Variants in PIEZO2 observed in about 807,000 individuals in gnomAD.
The protein encoded by PIEZO2 is piezo type mechanosensitive ion channel component 2, also known as piezo-type mechanosensitive ion channel component 2.
PIEZO2 carries 172 observed loss-of-function variants against 337.3 expected under a neutral mutation model. The observed-to-expected ratio is 0.51, with a 90% confidence interval of 0.45 to 0.58. The LOEUF (loss-of-function observed/expected upper bound fraction) is 0.58, where lower values mean the gene tolerates loss of function less well. Ranked by LOEUF, PIEZO2 falls within the 20% of genes least tolerant of loss-of-function variation. The probability of loss-of-function intolerance (pLI) is 0.00; values close to 1 mark genes in which losing one functional copy is unlikely to be tolerated. For missense variants in PIEZO2, 3,028 were observed against 3,391.3 expected (o/e 0.89, Z 2.66); for synonymous variants, 1,251 against 1,228.5 (o/e 1.02, Z -0.38).
At chr18:11,036,543 T>G (rs2625351) in intron 2 of PIEZO2, among the ~76,000 whole-genome samples, 70,512 of 151,614 alleles carry the variant, frequency 0.47, 17,539 homozygotes, top group African/African-American at 0.65. Flanking sequence ...CAACCTTACA[T>G]TCTGTGGAAT....
chr18:10,866,209 T>G (rs2042001093), intron 5 of PIEZO2, among the ~76,000 whole-genome samples: 1 of 152,216 alleles, frequency 6.6e-6, no homozygotes, highest in Non-Finnish European at 1.5e-5. Flanking sequence ...TTAAATCATT[T>G]TTATTATGAG....
At chr18:10,693,546 T>A (rs1030574395) in intron 47 of PIEZO2, among the ~76,000 whole-genome samples, 1 of 151,398 alleles carries the variant, frequency 6.6e-6, no homozygotes, top group African/African-American at 2.4e-5. Context: ...TTTTTTTTTT[T>A]AAGACGGGGT....
intron 3 of PIEZO2, among the ~76,000 whole-genome samples, chr18:10,961,106 G>C (rs540408101): frequency 2.6e-5 from 4 of 151,950 alleles, no homozygotes; most frequent in African/African-American, 9.7e-5. Flanking sequence ...GTGTGAACCC[G>C]GGAGGCAGAG....
At chr18:10,802,985 A>AG (rs2039878007) in intron 9 of PIEZO2, among the ~76,000 whole-genome samples, 1 of 151,780 alleles carries the variant, frequency 6.6e-6, no homozygotes, top group Non-Finnish European at 1.5e-5. Flanking sequence ...AAAAAAAAAA[A>AG]AAAGGTATTT....
intron 39 of PIEZO2, among the ~76,000 whole-genome samples, chr18:10,712,521 A>G (rs1350576517): frequency 2.0e-5 from 3 of 152,232 alleles, no homozygotes; most frequent in Admixed American, 1.3e-4. Flanking sequence ...AAAAAGTAAA[A>G]ATAAAATTCA....
intron 18 of PIEZO2, among the ~76,000 whole-genome samples, chr18:10,779,249 G>A (rs144056428): frequency 2.1e-4 from 32 of 152,300 alleles, no homozygotes; most frequent in African/African-American, 6.5e-4. Context: ...TAAGAAAAGC[G>A]AACGGGGTAG....
rs1306815447 is a variant in PIEZO2, at chr18:10,726,427, G to C, written c.5029+4980C>G. On this transcript the variant is annotated intron_variant, in intron 36 of 55. Transcript: ENST00000674853. This position sits in a 1 kb window ranked among gnomAD's most constrained non-coding sequence, Gnocchi z 5.9. ...CAGCCGTGGCACAACGCGGAGGGCC[G>C]GCTGCGGTACGGGCTACGGCCGGCG... 1.3e-6 allele frequency: 2 copies of C among 1,530,118 alleles called. No individual in the cohort carries two copies. Among genetic ancestry groups the C allele is most frequent in the East Asian group, 2.5e-5 (1 of 40,786 alleles). 94.8% of individuals were successfully genotyped at this position (1,530,118 alleles called of 1,614,324 possible).
rs1186077011 is a variant in PIEZO2, at chr18:11,148,133, T to C, written c.64+392A>G. Among the ~76,000 whole-genome samples, 1 of 152,124 alleles carries C rather than the reference T, an allele frequency of 6.6e-6. No homozygotes were observed. Among genetic ancestry groups the C allele is most frequent in the African/African-American group, 2.4e-5 (1 of 41,438 alleles). On this transcript the variant is annotated intron_variant, in intron 1 of 55. Transcript: ENST00000674853. The surrounding 1 kb of genome is among the most constrained non-coding windows in gnomAD (Gnocchi z 5.2). ...TGGGCCGTCTGGAGGCACAGCATGC[T>C]GTGCTTGCAGGGTCACTGGGGCGAG...
Position 11,099,817 on chromosome 18 carries a change from A to T in PIEZO2, c.65-33595T>A, listed in dbSNP as rs577234059. 6.6e-6 allele frequency among the ~76,000 whole-genome samples: 1 copy of T among 152,082 alleles called. No homozygotes were observed. Among genetic ancestry groups the T allele is most frequent in the African/African-American group, 2.4e-5 (1 of 41,420 alleles). ...TTTATTTGATTCATTAGTGATTTGT[A>T]TATCTTCTTTTGTAAGTTGCTGATG... is the stretch of plus-strand genomic sequence containing the variant. On this transcript the variant is annotated intron_variant, in intron 1 of 55. Transcript: ENST00000674853. The surrounding 1 kb of genome is among the most constrained non-coding windows in gnomAD (Gnocchi z 5.4).
In PIEZO2 at chr18:11,112,527, G is replaced by A. The variant is rs2039766631; in HGVS notation, c.64+35998C>T. 1.3e-5 allele frequency among the ~76,000 whole-genome samples: 2 copies of A among 152,158 alleles called. No individual in the cohort carries two copies. Among genetic ancestry groups the A allele is most frequent in the African/African-American group, 2.4e-5 (1 of 41,440 alleles). On this transcript the variant is annotated intron_variant, in intron 1 of 55. Transcript: ENST00000674853. This position sits in a 1 kb window ranked among gnomAD's most constrained non-coding sequence, Gnocchi z 4.3. ...TTTTACACTGACTGATGAGTCTTCT[G>A]TACATCAACAAAGTTAACACAGATT... is the stretch of plus-strand genomic sequence containing the variant.
chr18:10,984,919 A>T (rs938142232), intron 2 of PIEZO2, among the ~76,000 whole-genome samples: 1 of 152,130 alleles, frequency 6.6e-6, no homozygotes, highest in African/African-American at 2.4e-5. Context: ...ACAGACCAGG[A>T]GAGAGTGGGA....
chr18:10,704,127 G>C (rs868850172), intron 42 of PIEZO2, among the ~76,000 whole-genome samples: 1 of 152,196 alleles, frequency 6.6e-6, no homozygotes, highest in Non-Finnish European at 1.5e-5. Context: ...CATTGATGCT[G>C]TGTCCTTATC....
At chr18:11,000,980 C>T (rs2145605908) in intron 2 of PIEZO2, among the ~76,000 whole-genome samples, 1 of 152,274 alleles carries the variant, frequency 6.6e-6, no homozygotes, top group East Asian at 1.9e-4. Flanking sequence ...TAAACATGGG[C>T]TGTCCCCAGA....
intron 33 of PIEZO2, 149 bp from the exon 34 acceptor site, chr18:10,736,859 A>G: frequency 1.1e-6 from 1 of 879,754 alleles, no homozygotes; most frequent in Non-Finnish European, 1.7e-6. Context: ...CACAAGATGA[A>G]GAGAACTCAT....
chr18:11,090,780 C>T (rs1389980022), intron 1 of PIEZO2, among the ~76,000 whole-genome samples: 2 of 151,908 alleles, frequency 1.3e-5, no homozygotes, highest in South Asian at 2.1e-4. Context: ...GGCGTGGTGG[C>T]GGGCGCCTGT....
chr18:10,944,488 CATATAT>C (rs768935656), intron 3 of PIEZO2, among the ~76,000 whole-genome samples: 1 of 132,892 alleles, frequency 7.5e-6, no homozygotes, highest in Non-Finnish European at 1.6e-5. Context: ...ATCTTAGTAA[CATATAT>C]ATATATATAT....
rs747014192 is a variant in PIEZO2 at position 10,682,031 on chromosome 18, C to T, written c.7686+73G>A. On this transcript the variant is annotated intron_variant, in intron 50 of 55. Transcript: ENST00000674853. The surrounding 1 kb of genome is among the most constrained non-coding windows in gnomAD (Gnocchi z 5.6). ...GGGTCGGCAGCCCATGACTAAACAC[C>T]CTACAGACAGCTATCATAAAGGAAT... The T allele has an allele frequency of 1.6e-5, 23 of 1,407,072 alleles. No individual in the cohort carries two copies. The East Asian group carries it at 5.7e-4, about 35-fold the overall frequency. The allele number at this position is 1,407,072 out of a possible 1,614,324, so 87.2% of individuals were successfully genotyped here.
chr18:10,682,312 CA>C lies in PIEZO2; in HGVS notation c.7498-21del. 6.6e-7 allele frequency: 1 copy of C among 1,526,348 alleles called. No homozygotes were observed. Among genetic ancestry groups the C allele is most frequent in the Non-Finnish European group, 8.8e-7 (1 of 1,140,946 alleles). The allele number at this position is 1,526,348 out of a possible 1,614,324, so 94.6% of individuals were successfully genotyped here. A position where few individuals can be genotyped will look rare whatever the true frequency, so the allele number is the denominator to read the frequency against. On this transcript the variant is annotated intron_variant, in intron 49 of 55. Coordinates refer to ENST00000674853, the MANE Select transcript of PIEZO2 (RefSeq NM_001378183.1). The surrounding 1 kb of genome is among the most constrained non-coding windows in gnomAD (Gnocchi z 5.6). Reference sequence around the variant, plus strand: ...GTATCTCTGCAACAGAGAGTTCAGACAAGGCTCAGGCTCAGGCTCAGGTGCT... The same window carrying C: ...GTATCTCTGCAACAGAGAGTTCAGACAGGCTCAGGCTCAGGCTCAGGTGCT...
chr18:11,090,931 A>T (rs948046378), intron 1 of PIEZO2, among the ~76,000 whole-genome samples: 1 of 143,676 alleles, frequency 7.0e-6, no homozygotes, highest in Non-Finnish European at 1.5e-5. Context: ...AAAAAAAAAA[A>T]AGTAGATGTG....
Sources: gnomAD v4.1 joint callset for allele counts (sites outside exome capture counted in the v4.1 genomes callset) on GRCh38, gnomAD v4.1.1 for gene constraint, Gnocchi (gnomAD v3.1) non-coding constraint, MANE v1.5 for transcripts, NCBI Gene and HGNC (gene_info 2026-07-23, HGNC 2026-07-21) for gene names.